MARCHF10: variants seen among roughly 807,000 people sequenced by gnomAD.
The protein encoded by MARCHF10 is probable E3 ubiquitin-protein ligase MARCHF10.
MARCHF10 carries 64 observed loss-of-function variants against 76.2 expected under a neutral mutation model. The ratio of observed to expected loss-of-function variants is 0.84; its 90% CI spans 0.69 to 1.03. The LOEUF is 1.03. Ranked by LOEUF, MARCHF10 falls within the 50% of genes least tolerant of loss-of-function variation. MARCHF10 has a pLI of 0.00. For missense variants in MARCHF10, 875 were observed against 958.0 expected (o/e 0.91, Z 1.14); for synonymous variants, 340 against 357.5 (o/e 0.95, Z 0.55).
At position 62,737,172 on chromosome 17, in the gene MARCHF10, A is replaced by C; in HGVS notation, c.696T>G (p.His232Gln). The C allele has an allele frequency of 6.2e-7, 1 of 1,613,950 alleles. No homozygotes were observed. The highest frequency in any genetic ancestry group is 8.5e-7 in the Non-Finnish European group (1 of 1,180,002). The change falls in exon 6 of 11, where the codon CAT becomes CAG. Residue 232 changes from histidine to glutamine, a missense_variant. His to Gln is a conservative substitution (Grantham distance 24). Transcript: ENST00000311269. ...DPSAPSQSEL[H>Q]PALSQAFQGK... ...CTTGGAAGGCCTGGGACAGGGCTGG[A>C]TGCAGCTCACTCTGGGAAGGAGCAC...
intron 5 of MARCHF10, among the ~76,000 whole-genome samples, chr17:62,741,706 T>G (rs1325043051): frequency 6.6e-6 from 1 of 152,106 alleles, no homozygotes; most frequent in Non-Finnish European, 1.5e-5. Flanking sequence ...TTATTTTTAT[T>G]TTTTTTGTGA....
At chr17:62,797,005 G>T (rs2092996814) in intron 2 of MARCHF10, among the ~76,000 whole-genome samples, 1 of 151,964 alleles carries the variant, frequency 6.6e-6, no homozygotes, top group Non-Finnish European at 1.5e-5. Flanking sequence ...AACAGAGCAA[G>T]ACCATGTCTC....
chr17:62,725,901 T>A (rs1170494372), intron 6 of MARCHF10: 1 of 152,314 alleles, frequency 6.6e-6, no homozygotes, highest in African/African-American at 2.4e-5. Flanking sequence ...CACTGCCACC[T>A]ACTTCCTAGG....
At chr17:62,751,842 G>A (rs1568161023) in intron 4 of MARCHF10, among the ~76,000 whole-genome samples, 1 of 152,112 alleles carries the variant, frequency 6.6e-6, no homozygotes, top group African/African-American at 2.4e-5. Flanking sequence ...CCAACAGGGA[G>A]AAACCCCATC....
chr17:62,770,766 C>A (rs2092429069), intron 3 of MARCHF10, among the ~76,000 whole-genome samples: 1 of 151,892 alleles, frequency 6.6e-6, no homozygotes, highest in Non-Finnish European at 1.5e-5. Context: ...GTCTCAAACT[C>A]CTGACCTCAG....
Position 62,736,039 on chromosome 17 carries a change from G to C in MARCHF10, c.1829C>G (p.Pro610Arg). ...CCTGCTCCCATTATCATTTTGATTT[G>C]GGAAATGAGACACTGCAAAGAAAGT... ...PFTFFAVSHF[P>R]NQNDNGSRMA... The change falls in exon 6 of 11, where the codon CCA becomes CGA. Residue 610 changes from proline to arginine, a missense_variant. Physicochemically the swap from Pro to Arg is moderately radical, Grantham distance 103 (BLOSUM62 -2). Coordinates refer to ENST00000311269, the MANE Select transcript of MARCHF10 (RefSeq NM_152598.4). The C allele has an allele frequency of 1.2e-6, 2 of 1,614,100 alleles. No individual in the cohort carries two copies. Among genetic ancestry groups the C allele is most frequent in the Non-Finnish European group, 1.7e-6 (2 of 1,180,034 alleles).
chr17:62,741,387 C>T (rs1249878627), intron 5 of MARCHF10, among the ~76,000 whole-genome samples: 6 of 152,158 alleles, frequency 3.9e-5, no homozygotes, highest in Admixed American at 1.3e-4. Context: ...GGCTTTGACA[C>T]GTTACCAAAT....
At chr17:62,754,774 GT>G (rs1196139699) in intron 4 of MARCHF10, among the ~76,000 whole-genome samples, 2 of 152,190 alleles carry the variant, frequency 1.3e-5, no homozygotes, top group African/African-American at 4.8e-5. Flanking sequence ...CACTTAAATT[GT>G]TTGTTTTTTT....
At chr17:62,769,380 G>C (rs1322945039) in intron 3 of MARCHF10, among the ~76,000 whole-genome samples, 1 of 152,060 alleles carries the variant, frequency 6.6e-6, no homozygotes, top group Non-Finnish European at 1.5e-5. Context: ...AATTACATTG[G>C]GGTAGCAAAA....
At chr17:62,786,112 G>C (rs2092741366) in intron 3 of MARCHF10, among the ~76,000 whole-genome samples, 1 of 152,136 alleles carries the variant, frequency 6.6e-6, no homozygotes, top group African/African-American at 2.4e-5. Context: ...ATTCACAATA[G>C]CAAAGACTTG....
At chr17:62,746,038 T>C (rs2091692036) in intron 4 of MARCHF10, among the ~76,000 whole-genome samples, 1 of 152,242 alleles carries the variant, frequency 6.6e-6, no homozygotes, top group African/African-American at 2.4e-5. Context: ...CAGCCTTTTT[T>C]GGCACATGAG....
chr17:62,795,118 C>T (rs2092961562), intron 2 of MARCHF10: 3 of 930,548 alleles, frequency 3.2e-6, no homozygotes, highest in Admixed American at 6.2e-5. Context: ...CAACTCCAAA[C>T]CCTTGCCACC....
rs1447006663 is a variant in MARCHF10 at position 62,701,447 on chromosome 17, A to G, written c.*256T>C. The G allele has an allele frequency of 1.0e-5, 8 of 776,598 alleles. No homozygotes were observed. In the African/African-American group the frequency reaches 1.2e-4, roughly 12 times the overall value. 48.1% of individuals were successfully genotyped at this position (776,598 alleles called of 1,614,324 possible). A position where few individuals can be genotyped will look rare whatever the true frequency, so the allele number is the denominator to read the frequency against. On this transcript the variant is annotated 3_prime_UTR_variant, in exon 11 of 11. Transcript: ENST00000311269. The stretch of plus-strand genomic sequence containing the variant: ...GGCAGGGCTTCTGGGCTAAGGGGGC[A>G]GCACCAGGCCAGCCTGCCAGGGGCT...
rs377708848 is a variant in MARCHF10 at position 62,709,528 on chromosome 17, GTCTCTTCATGAGACACAACCAAGA to G, written c.2328+1679_2328+1702del. ...AAAAAAACGAGGCATCCATCACTGGGTCTCTTCATGAGACACAACCAAGAAACACAATGTGAGTGAATTCTCCAG... is the reference window on the plus strand; with the variant it reads ...AAAAAAACGAGGCATCCATCACTGGGAACACAATGTGAGTGAATTCTCCAG... On this transcript the variant is annotated intron_variant, in intron 9 of 10. Coordinates refer to ENST00000311269, the MANE Select transcript of MARCHF10 (RefSeq NM_152598.4). Among the ~76,000 whole-genome samples the G allele has an allele frequency of 2.5e-3, 379 of 152,176 alleles. 1 individual carries two copies. Among genetic ancestry groups the G allele is most frequent in the African/African-American group, 8.5e-3 (353 of 41,528 alleles).
At chr17:62,755,675 T>C (rs1257011623) in intron 4 of MARCHF10, among the ~76,000 whole-genome samples, 1 of 152,214 alleles carries the variant, frequency 6.6e-6, no homozygotes, top group Admixed American at 6.5e-5. Context: ...CTGCCTGAAT[T>C]TTCCACGTCT....
intron 8 of MARCHF10, among the ~76,000 whole-genome samples, chr17:62,722,081 G>A (rs2090514900): frequency 6.6e-6 from 1 of 151,920 alleles, no homozygotes; most frequent in Non-Finnish European, 1.5e-5. Context: ...TCAGGAGTTC[G>A]AGACCAAGCT....
chr17:62,729,781 C>T (rs2090934691), intron 6 of MARCHF10, among the ~76,000 whole-genome samples: 1 of 152,030 alleles, frequency 6.6e-6, no homozygotes, highest in Non-Finnish European at 1.5e-5. Flanking sequence ...GCCATGTTGT[C>T]CAGACTGGTC....
chr17:62,747,049 T>C, intron 4 of MARCHF10: 4 of 1,096,596 alleles, frequency 3.6e-6, no homozygotes, highest in Non-Finnish European at 5.3e-6. Flanking sequence ...CTAAAATTGC[T>C]TAATGAGTAT....
intron 2 of MARCHF10, among the ~76,000 whole-genome samples, chr17:62,795,574 T>A (rs1238620055): frequency 6.6e-6 from 1 of 152,164 alleles, no homozygotes; most frequent in Non-Finnish European, 1.5e-5. Flanking sequence ...CAGGGCGAGG[T>A]TAGCCCTCCT....
Sources: gnomAD v4.1 joint callset for allele counts (sites outside exome capture counted in the v4.1 genomes callset) on GRCh38, gnomAD v4.1.1 for gene constraint, MANE v1.5 for transcripts, NCBI Gene and HGNC (gene_info 2026-07-23, HGNC 2026-07-21) for gene names.